Variants in DNAJB6 observed in about 807,000 individuals in gnomAD.
The protein encoded by DNAJB6 is DnaJ heat shock protein family (Hsp40) member B6.
A neutral mutation model predicts 42.7 loss-of-function variants in DNAJB6; 16 were observed. That is an observed-to-expected ratio of 0.37 (90% CI 0.25 to 0.57). The LOEUF is 0.57. Among genes scored for constraint, DNAJB6 ranks in the 20% least tolerant of loss-of-function variants. DNAJB6 has a pLI of 0.74. For synonymous variants in DNAJB6, 170 were observed against 163.5 expected (o/e 1.04, Z -0.30); for missense variants, 347 against 416.8 (o/e 0.83, Z 1.46).
intron 1 of DNAJB6, among the ~76,000 whole-genome samples, chr7:157,355,791 T>C (rs1272896064): frequency 6.6e-6 from 1 of 152,206 alleles, no homozygotes; most frequent in Non-Finnish European, 1.5e-5. Flanking sequence ...AAACTAGCCA[T>C]TTGATGGAGT....
chr7:157,396,051 G>A (rs548036760), intron 8 of DNAJB6, among the ~76,000 whole-genome samples: 3 of 151,554 alleles, frequency 2.0e-5, no homozygotes, highest in African/African-American at 7.3e-5. Flanking sequence ...GGGTTCAAGC[G>A]ATTCTCATGC....
intron 5 of DNAJB6, chr7:157,380,800 C>G (rs1234661486): frequency 6.6e-6 from 1 of 152,266 alleles, no homozygotes; most frequent in Admixed American, 6.5e-5. Flanking sequence ...TTCATTCTGA[C>G]GAGCTCTATA....
At chr7:157,392,359 GTTTTTT>G (rs371536881) in intron 8 of DNAJB6, among the ~76,000 whole-genome samples, 1 of 137,918 alleles carries the variant, frequency 7.3e-6, no homozygotes, top group East Asian at 2.2e-4. Context: ...TTGAAAGTGG[GTTTTTT>G]TTTTTTTTTT....
At chr7:157,364,963 A>G (rs1384597652) in intron 3 of DNAJB6, among the ~76,000 whole-genome samples, 4 of 152,188 alleles carry the variant, frequency 2.6e-5, no homozygotes, top group Non-Finnish European at 5.9e-5. Flanking sequence ...TCTACTTTTT[A>G]AAAATTGAGA....
At chr7:157,385,337 T>G (rs1054334477) in intron 7 of DNAJB6, among the ~76,000 whole-genome samples, 5 of 152,246 alleles carry the variant, frequency 3.3e-5, no homozygotes, top group African/African-American at 1.2e-4. Context: ...GTACGGTATT[T>G]GAGACACAAT....
rs1800180139 is a variant in DNAJB6 at position 157,370,965 on chromosome 7, T to TA, written c.346+3483dup. 3 of 152,460 alleles carry TA rather than the reference T, an allele frequency of 2.0e-5. No individual in the cohort carries two copies. In the South Asian group the frequency reaches 6.2e-4, roughly 32 times the overall value. The allele number at this position is 152,460 out of a possible 1,614,324, so 9.4% of individuals were successfully genotyped here. A position where few individuals can be genotyped will look rare whatever the true frequency, so the allele number is the denominator to read the frequency against. ...GTCAACACCCTGGTCTGTGGCCTGT[T>TA]ACGAACTGGCCTGTTGGGAACAGGA... On this transcript the variant is annotated intron_variant, in intron 5 of 9. Transcript: ENST00000262177.
intron 9 of DNAJB6, chr7:157,410,700 C>T (rs1795943285): frequency 6.6e-6 from 1 of 151,382 alleles, no homozygotes; most frequent in South Asian, 2.1e-4. Flanking sequence ...TCTTCTGGTT[C>T]TTATCACCGC....
chr7:157,413,770 T>C (rs1352695346), intron 9 of DNAJB6: 1 of 147,932 alleles, frequency 6.8e-6, no homozygotes, highest in Non-Finnish European at 1.5e-5. Context: ...TCGCCCAGGC[T>C]GGAGTGCAGT....
At chr7:157,380,396 CTT>C (rs1434247021) in intron 5 of DNAJB6, 4 of 152,156 alleles carry the variant, frequency 2.6e-5, no homozygotes, top group Non-Finnish European at 5.9e-5. Context: ...GATTTAACAT[CTT>C]TGCTTTTGTT....
intron 1 of DNAJB6, among the ~76,000 whole-genome samples, chr7:157,340,243 A>G (rs1364345501): frequency 6.6e-6 from 1 of 152,232 alleles, no homozygotes; most frequent in Non-Finnish European, 1.5e-5. Flanking sequence ...TCATTTCCTC[A>G]GAAATGATTC....
intron 3 of DNAJB6, among the ~76,000 whole-genome samples, chr7:157,365,708 A>T (rs1007434018): frequency 2.6e-5 from 4 of 152,226 alleles, no homozygotes; most frequent in African/African-American, 9.6e-5. Flanking sequence ...CTCGTTGCCC[A>T]GGCTTGAGTG....
chr7:157,357,419 A>G (rs928204640), intron 1 of DNAJB6, among the ~76,000 whole-genome samples: 22 of 149,788 alleles, frequency 1.5e-4, no homozygotes, highest in East Asian at 2.0e-4. Flanking sequence ...GGTTCAAGCA[A>G]TTCTGCTTCA....
chr7:157,384,342 G>A (rs1203422589), intron 6 of DNAJB6, among the ~76,000 whole-genome samples: 1 of 152,178 alleles, frequency 6.6e-6, no homozygotes, highest in African/African-American at 2.4e-5. Flanking sequence ...GCAAAGAGGA[G>A]GGAAGCCGAT....
At chr7:157,384,174 GT>G (rs1800933043) in intron 6 of DNAJB6, among the ~76,000 whole-genome samples, 1 of 152,198 alleles carries the variant, frequency 6.6e-6, no homozygotes, top group Non-Finnish European at 1.5e-5. Context: ...ACTTGTGAAA[GT>G]TTTTAGTGTC....
chr7:157,373,625 A>G (rs1028771972), intron 5 of DNAJB6, among the ~76,000 whole-genome samples: 3 of 152,232 alleles, frequency 2.0e-5, no homozygotes, highest in Non-Finnish European at 4.4e-5. Flanking sequence ...TGCTGGGATT[A>G]CATGCGTGAG....
intron 8 of DNAJB6, among the ~76,000 whole-genome samples, chr7:157,403,087 C>T (rs1444109130): frequency 2.6e-5 from 4 of 152,150 alleles, no homozygotes; most frequent in South Asian, 2.1e-4. Flanking sequence ...GCAAGATGTA[C>T]GTTCCGGAAA....
At chr7:157,388,072 T>C (rs1801160318) in intron 8 of DNAJB6, among the ~76,000 whole-genome samples, 2 of 152,178 alleles carry the variant, frequency 1.3e-5, no homozygotes, top group South Asian at 2.1e-4. Context: ...TCTGGAACTC[T>C]TGACTTCAAG....
intron 5 of DNAJB6, among the ~76,000 whole-genome samples, chr7:157,369,701 CGTT>C (rs1472149781): frequency 1.4e-5 from 2 of 143,022 alleles, no homozygotes; most frequent in African/African-American, 2.7e-5. Flanking sequence ...CCTTTCATAA[CGTT>C]ATTATTAAAC....
chr7:157,407,342 C>T (rs904846988), intron 8 of DNAJB6, among the ~76,000 whole-genome samples: 3 of 152,232 alleles, frequency 2.0e-5, no homozygotes, highest in Non-Finnish European at 4.4e-5. Context: ...CACGCTGCAT[C>T]GCTGTGCCCC....
Sources: allele counts gnomAD v4.1 joint callset (sites outside exome capture counted in the v4.1 genomes callset), GRCh38; gene constraint gnomAD v4.1.1; transcripts MANE v1.5; gene names NCBI Gene and HGNC (gene_info 2026-07-23, HGNC 2026-07-21).